PTHLH: variants seen among roughly 807,000 people sequenced by gnomAD.
PTHLH encodes the protein parathyroid hormone-related protein.
Under a neutral mutation model 18.6 loss-of-function variants are expected in PTHLH, and 5 were observed. The observed-to-expected ratio is 0.27, with a 90% CI of 0.14 to 0.56. PTHLH has a LOEUF of 0.56. Ranked by LOEUF, PTHLH falls within the 20% of genes least tolerant of loss-of-function variation. PTHLH has a pLI of 0.92. For missense variants in PTHLH, 207 were observed against 223.9 expected (o/e 0.92, Z 0.48); for synonymous variants, 90 against 94.0 (o/e 0.96, Z 0.25).
intron 2 of PTHLH, among the ~76,000 whole-genome samples, chr12:27,970,549 C>T (rs1286962955): frequency 6.6e-6 from 1 of 151,854 alleles, no homozygotes; most frequent in Admixed American, 6.6e-5. Flanking sequence ...CATCCCCGTG[C>T]CGGGGGCGTG....
chr12:27,961,768 T>C, intron 5 of PTHLH: 1 of 536,084 alleles, frequency 1.9e-6, no homozygotes, highest in Non-Finnish European at 3.3e-6. Flanking sequence ...ATATGATTGC[T>C]ATTTTATGTG....
At chr12:27,963,243 A>G (rs1255454824) in intron 5 of PTHLH, 105 bp downstream of exon 5, 2 of 1,582,024 alleles carry the variant, frequency 1.3e-6, no homozygotes, top group Non-Finnish European at 8.6e-7. Flanking sequence ...ATAGAGATAC[A>G]TAAAGGGAGA....
chr12:27,964,547 T>C (rs1156234417), intron 4 of PTHLH, among the ~76,000 whole-genome samples: 1 of 151,962 alleles, frequency 6.6e-6, no homozygotes, highest in East Asian at 1.9e-4. Flanking sequence ...GTGGTCTCCT[T>C]AAAATGGGTT....
chr12:27,968,412 C>T (rs2062836178), intron 4 of PTHLH, among the ~76,000 whole-genome samples: 1 of 152,134 alleles, frequency 6.6e-6, no homozygotes, highest in South Asian at 2.1e-4. Context: ...TAAAAATTTG[C>T]CTTAATTCCT....
At chr12:27,959,748 C>A (rs2062738594) in intron 5 of PTHLH, among the ~76,000 whole-genome samples, 1 of 152,072 alleles carries the variant, frequency 6.6e-6, no homozygotes, top group African/African-American at 2.4e-5. Context: ...GATCTCTTCA[C>A]CAATGGTTTT....
rs75802190 is a variant in PTHLH at position 27,959,848 on chromosome 12, T to C, written c.525-1280A>G. ...GGTGGATGGATGTGGATAGATGATA[T>C]GAATAAAGCCAAAAAGATGACCTCA... is the stretch of plus-strand genomic sequence containing the variant. On this transcript the variant is annotated intron_variant, in intron 5 of 5. Coordinates refer to ENST00000545234, the MANE Select transcript of PTHLH (RefSeq NM_198965.2). Among the ~76,000 whole-genome samples, 781 of 152,302 alleles carry C rather than the reference T, an allele frequency of 5.1e-3. 10 individuals carry two copies. The highest frequency in any genetic ancestry group is 0.017 in the African/African-American group (713 of 41,552).
Position 27,963,387 on chromosome 12 carries a change from A to G in PTHLH, c.485T>C (p.Leu162Pro), listed in dbSNP as rs1485377870. ...VTGSGLEGDH[L>P]SDTSTTSLEL... ...CAGCGACGTTGTGGAGGTGTCAGAC[A>G]GGTGGTCCCCTTCTAGCCCACTCCC... Residue 162 changes from leucine (L) to proline (P), a missense_variant, in exon 5 of 6, where the codon CTG becomes CCG. By Grantham distance (98) the Leu-to-Pro change is moderately conservative. Transcript: ENST00000545234. 6.2e-7 allele frequency: 1 copy of G among 1,614,202 alleles called. No homozygotes were observed. Among genetic ancestry groups the G allele is most frequent in the Admixed American group, 1.7e-5 (1 of 60,020 alleles).
In PTHLH at chr12:27,958,437, G is replaced by T. The variant is rs1173244682; in HGVS notation, c.*122C>A. 8.5e-6 allele frequency: 8 copies of T among 944,712 alleles called. No homozygotes were observed. In the East Asian group the frequency reaches 2.4e-4, roughly 29 times the overall value. The allele number at this position is 944,712 out of a possible 1,614,324, so 58.5% of individuals were successfully genotyped here. ...ATGTGCAGTTTCATAGAGCAATGGG[G>T]GAGACAGTTTTATTCCAATGCATTT... On this transcript the variant is annotated 3_prime_UTR_variant, in exon 6 of 6. Coordinates refer to ENST00000545234, the MANE Select transcript of PTHLH (RefSeq NM_198965.2).
In PTHLH at chr12:27,970,152, G is replaced by A; in HGVS notation, c.-150C>T. 1.9e-6 allele frequency: 1 copy of A among 517,870 alleles called. No individual in the cohort carries two copies. 32.1% of individuals were successfully genotyped at this position (517,870 alleles called of 1,614,324 possible). On this transcript the variant is annotated 5_prime_UTR_variant, in exon 3 of 6. Transcript: ENST00000545234. ...GGGCGGGTCGTTAGTGGCAGCCGGAGCGGCAGGGAGGCGGCAGCCCCGCTT... is the reference window on the plus strand; with the variant it reads ...GGGCGGGTCGTTAGTGGCAGCCGGAACGGCAGGGAGGCGGCAGCCCCGCTT...
intron 5 of PTHLH, chr12:27,962,540 A>G (rs2062771278): frequency 1.0e-6 from 1 of 985,286 alleles, no homozygotes; most frequent in Admixed American, 6.1e-5. Flanking sequence ...AAAGTCTAGG[A>G]GTGTCATTAT....
At chr12:27,963,171 G>A in intron 5 of PTHLH, 177 bp downstream of exon 5, 3 of 1,493,730 alleles carry the variant, frequency 2.0e-6, no homozygotes, top group Non-Finnish European at 2.7e-6. Flanking sequence ...TGTGTGGTAG[G>A]GGGGTACTGC....
At chr12:27,969,226 G>C in intron 4 of PTHLH, 168 bp downstream of exon 4, 1 of 632,328 alleles carries the variant, frequency 1.6e-6, no homozygotes, top group Non-Finnish European at 2.8e-6. Flanking sequence ...TCTCCTGCCA[G>C]GTTTGAGGAC....
chr12:27,961,311 A>ATACG (rs1555124120), intron 5 of PTHLH, among the ~76,000 whole-genome samples: 29 of 108,658 alleles, frequency 2.7e-4, no homozygotes, highest in Admixed American at 5.8e-4. Context: ...GTATATATAT[A>ATACG]TATATATATA....
chr12:27,958,464 C>G lies in PTHLH; in HGVS notation c.*95G>C, dbSNP rs1196975506. 1.7e-6 allele frequency: 2 copies of G among 1,171,444 alleles called. No homozygotes were observed. Among genetic ancestry groups the G allele is most frequent in the East Asian group, 5.5e-5 (2 of 36,246 alleles). The allele number at this position is 1,171,444 out of a possible 1,614,324, so 72.6% of individuals were successfully genotyped here. On this transcript the variant is annotated 3_prime_UTR_variant, in exon 6 of 6. Coordinates refer to ENST00000545234, the MANE Select transcript of PTHLH (RefSeq NM_198965.2). ...AGACAGTTTTATTCCAATGCATTTA[C>G]AGTATTTACAGACAATAAATATTTC... is the stretch of plus-strand genomic sequence containing the variant.
chr12:27,970,388 C>A lies in PTHLH; in HGVS notation c.-265-121G>T, dbSNP rs541510242. 4.3e-4 allele frequency: 63 copies of A among 148,074 alleles called. No individual in the cohort carries two copies. The South Asian group carries it at 0.012, about 28-fold the overall frequency. The allele number at this position is 148,074 out of a possible 1,614,324, so 9.2% of individuals were successfully genotyped here. Reference sequence around the variant, plus strand: ...GGGGCGGGGGCGGCGACGGGCGGCCCGAACGGGCCCCGCGCCGCCCGAGCG... The same window carrying A: ...GGGGCGGGGGCGGCGACGGGCGGCCAGAACGGGCCCCGCGCCGCCCGAGCG... On this transcript the variant is annotated intron_variant, in intron 2 of 5. Transcript: ENST00000545234.
At position 27,963,568 on chromosome 12, in the gene PTHLH, T is replaced by C. The variant is rs916614518; in HGVS notation, c.304A>G (p.Arg102Gly). 6.2e-7 allele frequency: 1 copy of C among 1,614,222 alleles called. No homozygotes were observed. Residue 102 changes from arginine (R) to glycine (G), a missense_variant, in exon 5 of 6, where the codon AGA becomes GGA. Transcript: ENST00000545234. ...PVRFGSDDEGRYLTQETNKVE... is the reference protein window; with the variant it reads ...PVRFGSDDEGGYLTQETNKVE... ...TTGTTAGTTTCCTGAGTTAGGTATC[T>C]GCCCTCATCATCAGACCCAAATCGG...
rs2062774740 is a variant in PTHLH, at chr12:27,963,018, C to A, written c.524+330G>T. 14 of 1,218,258 alleles carry A rather than the reference C, an allele frequency of 1.1e-5. No homozygotes were observed. In the South Asian group the frequency reaches 2.6e-4, roughly 23 times the overall value. The allele number at this position is 1,218,258 out of a possible 1,614,324, so 75.5% of individuals were successfully genotyped here. On this transcript the variant is annotated intron_variant, in intron 5 of 5. Coordinates refer to ENST00000545234, the MANE Select transcript of PTHLH (RefSeq NM_198965.2). ...AGTAAGGGGAAGAAACACACTTCTC[C>A]AGCAAATTATGAAGATGGTCACTAG...
At chr12:27,962,936 T>G (rs1565521119) in intron 5 of PTHLH, 1 of 1,102,892 alleles carries the variant, frequency 9.1e-7, no homozygotes, top group South Asian at 2.7e-5. Context: ...TATTCTCCCT[T>G]GAAGTGAAAG....
intron 3 of PTHLH, 130 bp from the exon 4 acceptor site, chr12:27,969,646 G>T (rs751877281): frequency 4.5e-6 from 4 of 883,544 alleles, no homozygotes; most frequent in Non-Finnish European, 7.5e-6. Flanking sequence ...AAGTTGAAAA[G>T]AAAAAAAATT....
Sources: allele counts gnomAD v4.1 joint callset (sites outside exome capture counted in the v4.1 genomes callset), GRCh38; gene constraint gnomAD v4.1.1; transcripts MANE v1.5; gene names NCBI Gene and HGNC (gene_info 2026-07-23, HGNC 2026-07-21).